LGR6: variants seen among roughly 807,000 people sequenced by gnomAD.
LGR6 encodes the protein leucine rich repeat containing G protein-coupled receptor 6, also known as leucine-rich repeat-containing G protein-coupled receptor 6.
A neutral mutation model predicts 69.4 loss-of-function variants in LGR6; 45 were observed. That is an observed-to-expected ratio of 0.65 (90% CI 0.51 to 0.83). LGR6 has a LOEUF of 0.83. Among genes scored for constraint, LGR6 ranks in the 40% least tolerant of loss-of-function variants. The pLI is 0.00. For synonymous variants in LGR6, 538 were observed against 555.0 expected, an observed-to-expected ratio of 0.97 and a Z score of 0.43; for missense variants, 1,108 against 1,246.7, an observed-to-expected ratio of 0.89 and a Z score of 1.68.
chr1:202,312,746 G>A (rs1396857366), intron 16 of LGR6, among the ~76,000 whole-genome samples: 1 of 152,146 alleles, frequency 6.6e-6, no homozygotes, highest in Non-Finnish European at 1.5e-5. Context: ...TGAGAAACTT[G>A]TCTTATTCTT....
chr1:202,274,109 G>A (rs903180598), intron 4 of LGR6, among the ~76,000 whole-genome samples: 2 of 152,132 alleles, frequency 1.3e-5, no homozygotes, highest in Admixed American at 1.3e-4. Context: ...ATAGAATGGG[G>A]TGTCAAAGCA....
At chr1:202,261,513 G>A (rs934538793) in intron 4 of LGR6, among the ~76,000 whole-genome samples, 1 of 152,030 alleles carries the variant, frequency 6.6e-6, no homozygotes, top group Non-Finnish European at 1.5e-5. Context: ...TTCCAAGTCT[G>A]TGCTATTGTG....
chr1:202,265,180 C>A (rs1664545064), intron 4 of LGR6, among the ~76,000 whole-genome samples: 1 of 152,180 alleles, frequency 6.6e-6, no homozygotes, highest in Non-Finnish European at 1.5e-5. Flanking sequence ...TGCACCATCA[C>A]CCCCACCCCA....
chr1:202,311,463 C>T (rs1653715887), intron 16 of LGR6, among the ~76,000 whole-genome samples: 1 of 152,120 alleles, frequency 6.6e-6, no homozygotes, highest in Admixed American at 6.5e-5. Context: ...AGTTCGAGAC[C>T]AGCCTGGCCA....
chr1:202,244,030 C>G (rs1003732911), intron 4 of LGR6, among the ~76,000 whole-genome samples: 5 of 152,158 alleles, frequency 3.3e-5, no homozygotes, highest in African/African-American at 1.2e-4. Flanking sequence ...AATCTCAGCT[C>G]ATTGCAACCT....
intron 1 of LGR6, among the ~76,000 whole-genome samples, chr1:202,217,123 G>A (rs1484685934): frequency 6.6e-6 from 1 of 152,198 alleles, no homozygotes; most frequent in Non-Finnish European, 1.5e-5. Flanking sequence ...TGAGGGTGGG[G>A]ACCGGCCCCA....
At chr1:202,229,182 G>A (rs1326561886) in intron 3 of LGR6, among the ~76,000 whole-genome samples, 1 of 152,112 alleles carries the variant, frequency 6.6e-6, no homozygotes. Flanking sequence ...TCCCTGTGTT[G>A]TTCGTCTCTG....
At chr1:202,195,995 G>A (rs1217306210) in intron 1 of LGR6, among the ~76,000 whole-genome samples, 9 of 152,162 alleles carry the variant, frequency 5.9e-5, no homozygotes, top group African/African-American at 1.9e-4. Flanking sequence ...CTGCATTTGG[G>A]TTCAGTGGAG....
At chr1:202,251,920 G>A (rs1391568637) in intron 4 of LGR6, among the ~76,000 whole-genome samples, 1 of 152,068 alleles carries the variant, frequency 6.6e-6, no homozygotes, top group Non-Finnish European at 1.5e-5. Flanking sequence ...GTTGAGGGAG[G>A]GGCCAGACTG....
intron 3 of LGR6, among the ~76,000 whole-genome samples, chr1:202,230,198 C>T (rs1301513477): frequency 6.6e-6 from 1 of 152,120 alleles, no homozygotes; most frequent in African/African-American, 2.4e-5. Flanking sequence ...AGGATTCCCT[C>T]TCTGATTCTT....
intron 6 of LGR6, among the ~76,000 whole-genome samples, chr1:202,297,124 A>G (rs1018813233): frequency 6.6e-6 from 1 of 152,316 alleles, no homozygotes. Context: ...AACCTTCTGG[A>G]ATCCCTAGTG....
chr1:202,271,829 A>AT (rs11409780), intron 4 of LGR6, among the ~76,000 whole-genome samples: 2 of 145,230 alleles, frequency 1.4e-5, no homozygotes, highest in Non-Finnish European at 1.5e-5. Context: ...AAAAAAAAAA[A>AT]GAGAGAGGGG....
At chr1:202,255,870 T>C (rs1218029128) in intron 4 of LGR6, among the ~76,000 whole-genome samples, 1 of 152,260 alleles carries the variant, frequency 6.6e-6, no homozygotes, top group Non-Finnish European at 1.5e-5. Context: ...CTTTTAGCTT[T>C]AAATATTTAA....
chr1:202,264,743 G>A (rs925161228), intron 4 of LGR6, among the ~76,000 whole-genome samples: 1 of 152,186 alleles, frequency 6.6e-6, no homozygotes, highest in African/African-American at 2.4e-5. Flanking sequence ...CCTGGAGGGT[G>A]GGTAATTATT....
At position 202,205,969 on chromosome 1, in the gene LGR6, A is replaced by AACACACACACACACACAC. The variant is rs10522754; in HGVS notation, c.212+11771_212+11788dup. Among the ~76,000 whole-genome samples, 509 of 149,074 alleles carry AACACACACACACACACAC rather than the reference A, an allele frequency of 3.4e-3. 3 individuals are homozygous for AACACACACACACACACAC. The highest frequency in any genetic ancestry group is 0.011 in the African/African-American group (464 of 40,492). ...AGAACACACACACACACAGACACAC[A>AACACACACACACACACAC]ACACACACACACACACACACCCCTA... is the stretch of plus-strand genomic sequence containing the variant. On this transcript the variant is annotated intron_variant, in intron 1 of 17. Transcript: ENST00000367278.
chr1:202,217,741 C>T (rs2147931250), intron 1 of LGR6, among the ~76,000 whole-genome samples: 1 of 152,262 alleles, frequency 6.6e-6, no homozygotes, highest in African/African-American at 2.4e-5. Flanking sequence ...CCATCACAAG[C>T]CCTCCTGCCA....
intron 12 of LGR6, 106 bp from the exon 13 acceptor site, chr1:202,306,762 C>T: frequency 9.8e-7 from 1 of 1,016,224 alleles, no homozygotes; most frequent in East Asian, 2.5e-5. Flanking sequence ...CTTCCTGTGC[C>T]AGGAGAAGTG....
chr1:202,200,899 T>C (rs1290215472), intron 1 of LGR6, among the ~76,000 whole-genome samples: 1 of 152,154 alleles, frequency 6.6e-6, no homozygotes, highest in Non-Finnish European at 1.5e-5. Context: ...GAGCAGGCCA[T>C]GGGCAGGCCG....
chr1:202,261,738 A>G (rs1228959634), intron 4 of LGR6, among the ~76,000 whole-genome samples: 1 of 152,106 alleles, frequency 6.6e-6, no homozygotes, highest in Non-Finnish European at 1.5e-5. Context: ...CATCCTCTCC[A>G]ACACCTGTTG....
Sources: allele counts gnomAD v4.1 joint callset (sites outside exome capture counted in the v4.1 genomes callset), GRCh38; gene constraint gnomAD v4.1.1; transcripts MANE v1.5; gene names NCBI Gene and HGNC (gene_info 2026-07-23, HGNC 2026-07-21).